ZNF407: variants seen among roughly 807,000 people sequenced by gnomAD.
The protein encoded by ZNF407 is zinc finger protein 407.
In ZNF407, 17 loss-of-function variants were observed where a neutral mutation model predicts 131.2. The ratio of observed to expected loss-of-function variants is 0.13; its 90% confidence interval spans 0.09 to 0.19. The LOEUF (loss-of-function observed/expected upper bound fraction) is 0.19, where lower values mean the gene tolerates loss of function less well. ZNF407 is among the 10% of genes least tolerant of loss of function. The probability of loss-of-function intolerance (pLI) is 1.00; values close to 1 mark genes in which losing one functional copy is unlikely to be tolerated. For missense variants in ZNF407, 2,681 were observed against 2,830.6 expected (o/e 0.95, Z 1.20); for synonymous variants, 1,156 against 1,062.0 (o/e 1.09, Z -1.72).
At chr18:74,718,214 C>T (rs1288823138) in intron 3 of ZNF407, among the ~76,000 whole-genome samples, 1 of 151,580 alleles carries the variant, frequency 6.6e-6, no homozygotes, top group East Asian at 1.9e-4. Context: ...AGCCCCCCCC[C>T]TCCCCTTCCT....
chr18:74,682,457 A>G (rs1480301867), intron 3 of ZNF407, among the ~76,000 whole-genome samples: 1 of 152,132 alleles, frequency 6.6e-6, no homozygotes, highest in African/African-American at 2.4e-5. Flanking sequence ...TTCTTTTTCT[A>G]AAGATGATAA....
chr18:74,660,935 G>T (rs1276111774), intron 3 of ZNF407, among the ~76,000 whole-genome samples: 1 of 152,096 alleles, frequency 6.6e-6, no homozygotes, highest in Non-Finnish European at 1.5e-5. Context: ...TTAGGAGACT[G>T]AAAAAAGGCA....
chr18:74,951,844 C>T (rs1189802122), intron 8 of ZNF407, among the ~76,000 whole-genome samples: 1 of 151,202 alleles, frequency 6.6e-6, no homozygotes, highest in Non-Finnish European at 1.5e-5. Flanking sequence ...TTAACAGATA[C>T]ACCAAAGTTA....
chr18:74,908,618 A>G (rs536207178), intron 7 of ZNF407, among the ~76,000 whole-genome samples: 15 of 152,276 alleles, frequency 9.9e-5, no homozygotes, highest in Non-Finnish European at 4.4e-5. Flanking sequence ...GAGGTTCTTT[A>G]TTCTTGTAGC....
chr18:74,671,207 A>G (rs941081239), intron 3 of ZNF407, among the ~76,000 whole-genome samples: 5 of 152,118 alleles, frequency 3.3e-5, no homozygotes, highest in African/African-American at 7.2e-5. Context: ...CAGTATTTGT[A>G]CTTTTGTGAC....
chr18:75,023,593 G>A (rs971642887), intron 8 of ZNF407, among the ~76,000 whole-genome samples: 5 of 152,102 alleles, frequency 3.3e-5, no homozygotes, highest in African/African-American at 9.7e-5. Context: ...TTTAACTGCC[G>A]ACAGCTGACC....
At chr18:74,733,862 A>G (rs753208682) in intron 3 of ZNF407, among the ~76,000 whole-genome samples, 23 of 152,314 alleles carry the variant, frequency 1.5e-4, no homozygotes, top group Non-Finnish European at 2.1e-4. Context: ...TGTGAGCATC[A>G]TCTCTTGTGA....
chr18:74,642,387 T>C (rs1984764285), intron 3 of ZNF407, among the ~76,000 whole-genome samples: 1 of 152,130 alleles, frequency 6.6e-6, no homozygotes, highest in African/African-American at 2.4e-5. Context: ...CATCTATTGT[T>C]TTTACCATAT....
At chr18:75,035,754 C>A (rs919321119) in intron 8 of ZNF407, among the ~76,000 whole-genome samples, 1 of 152,206 alleles carries the variant, frequency 6.6e-6, no homozygotes, top group South Asian at 2.1e-4. Flanking sequence ...ATGGGCATTG[C>A]GTCCGCCTCG....
chr18:74,702,017 C>T (rs1345024362), intron 3 of ZNF407, among the ~76,000 whole-genome samples: 2 of 152,196 alleles, frequency 1.3e-5, no homozygotes, highest in African/African-American at 4.8e-5. Context: ...GCCATTTCAG[C>T]TACCATTATT....
At chr18:74,728,243 C>T (rs553635813) in intron 3 of ZNF407, among the ~76,000 whole-genome samples, 2 of 152,266 alleles carry the variant, frequency 1.3e-5, no homozygotes, top group South Asian at 2.1e-4. Flanking sequence ...TATACGAAGT[C>T]ACAGATAAAC....
Position 74,633,708 on chromosome 18 carries a change from C to A in ZNF407, c.2689C>A (p.His897Asn). 1 of 1,613,920 alleles carries A rather than the reference C, an allele frequency of 6.2e-7. No individual in the cohort carries two copies. The highest frequency in any genetic ancestry group is 1.1e-5 in the South Asian group (1 of 91,068). ...TGTAACTAAGGGAGATATGGAACGT[C>A]ATTGTGCCACCAAGAAACATAAAGG... is the stretch of plus-strand genomic sequence containing the variant. ...YTVTKGDMER[H>N]CATKKHKGRV... The change falls in exon 2 of 9, where the codon CAT becomes AAT. Residue 897 changes from histidine to asparagine, a missense_variant. His to Asn is a moderately conservative substitution (Grantham distance 68). Transcript: ENST00000299687.
intron 3 of ZNF407, among the ~76,000 whole-genome samples, chr18:74,718,448 C>T (rs1967950030): frequency 6.6e-6 from 1 of 151,926 alleles, no homozygotes; most frequent in Non-Finnish European, 1.5e-5. Context: ...CACTTGAGCC[C>T]AGGAGTTCAA....
At chr18:74,939,345 G>T (rs1029694758) in intron 8 of ZNF407, among the ~76,000 whole-genome samples, 14 of 152,056 alleles carry the variant, frequency 9.2e-5, no homozygotes, top group Admixed American at 2.0e-4. Flanking sequence ...TGTGTTTTCT[G>T]TTTAGAAACA....
chr18:74,778,505 T>C (rs1969521777), intron 3 of ZNF407, among the ~76,000 whole-genome samples: 1 of 152,228 alleles, frequency 6.6e-6, no homozygotes. Flanking sequence ...TTTTCCTTGT[T>C]GTCTGTGTCT....
At position 74,936,474 on chromosome 18, in the gene ZNF407, A is replaced by G. The variant is rs118091468; in HGVS notation, c.5428+15782A>G. On this transcript the variant is annotated intron_variant, in intron 8 of 8. Transcript: ENST00000299687. ...AGTGAGACTCTGCCCCTGCGCATTT[A>G]GGCTTACTCTCCACATCCCTCTCAG... Among the ~76,000 whole-genome samples the G allele has an allele frequency of 1.1e-3, 173 of 152,276 alleles. 3 individuals carry two copies. In the East Asian group the frequency reaches 0.03, roughly 27 times the overall value.
intron 3 of ZNF407, among the ~76,000 whole-genome samples, chr18:74,720,443 T>A (rs1968003658): frequency 6.6e-6 from 1 of 152,146 alleles, no homozygotes; most frequent in Non-Finnish European, 1.5e-5. Context: ...TTTCTCCCAT[T>A]CTGTAGGTTG....
At chr18:74,923,684 T>C (rs1971875601) in intron 8 of ZNF407, among the ~76,000 whole-genome samples, 1 of 152,196 alleles carries the variant, frequency 6.6e-6, no homozygotes, top group South Asian at 2.1e-4. Flanking sequence ...TTTGAAAATA[T>C]ATCACTAAAT....
intron 3 of ZNF407, among the ~76,000 whole-genome samples, chr18:74,723,900 A>C (rs763956738): frequency 7.9e-5 from 12 of 151,202 alleles, no homozygotes; most frequent in Non-Finnish European, 1.6e-4. Context: ...TTATTTAAAA[A>C]AAAATTTGGT....
Sources: allele counts gnomAD v4.1 joint callset (sites outside exome capture counted in the v4.1 genomes callset), GRCh38; gene constraint gnomAD v4.1.1; transcripts MANE v1.5; gene names NCBI Gene and HGNC (gene_info 2026-07-23, HGNC 2026-07-21).